Variants in AMOT observed in about 807,000 individuals in gnomAD.
AMOT encodes the protein angiomotin.
AMOT carries 11 observed loss-of-function variants against 67.0 expected under a neutral mutation model. The ratio of observed to expected loss-of-function variants is 0.16; its 90% CI spans 0.10 to 0.27. The LOEUF (loss-of-function observed/expected upper bound fraction) is 0.27, where lower values mean the gene tolerates loss of function less well. AMOT is among the 10% of genes least tolerant of loss of function. AMOT has a pLI of 1.00. For missense variants in AMOT, 753 were observed against 852.0 expected (o/e 0.88, Z 1.45); for synonymous variants, 326 against 321.4 (o/e 1.01, Z -0.15).
chrX:112,831,488 T>A lies in AMOT; in HGVS notation c.-212+806A>T, dbSNP rs369514259. 1.5e-3 allele frequency among the ~76,000 whole-genome samples: 154 copies of A among 103,185 alleles called. 3 individuals are homozygous for A. Among genetic ancestry groups the A allele is most frequent in the South Asian group, 4.5e-3 (11 of 2,430 alleles). 89.6% of individuals were successfully genotyped at this position (103,185 alleles called of 115,157 possible). ...ATAAATAAATAAATAAATAAATAAA[T>A]AAAAAGAGAGCCCAGTACTTGAGGA... On this transcript the variant is annotated intron_variant, in intron 2 of 13. Coordinates refer to ENST00000371959, the MANE Select transcript of AMOT (RefSeq NM_001113490.2).
intron 7 of AMOT, among the ~76,000 whole-genome samples, chrX:112,809,352 T>C (rs1934282921): frequency 9.0e-6 from 1 of 111,126 alleles, no homozygotes; most frequent in South Asian, 3.9e-4. Flanking sequence ...GAAACACTAT[T>C]ATGAGGAAGA....
rs940742668 is a variant in AMOT, at chrX:112,776,943, T to C, written c.*1624A>G. 9.0e-6 allele frequency: 1 copy of C among 111,663 alleles called. No homozygotes were observed. Among genetic ancestry groups the C allele is most frequent in the Admixed American group, 9.5e-5 (1 of 10,582 alleles). The allele number at this position is 111,663 out of a possible 1,213,427, so 9.2% of individuals were successfully genotyped here. ...CATGGTGATTGGCATAATGGTTAGC[T>C]GTGTTGTATGACTTTCAAAAAGTCA... On this transcript the variant is annotated 3_prime_UTR_variant, in exon 14 of 14. Coordinates refer to ENST00000371959, the MANE Select transcript of AMOT (RefSeq NM_001113490.2).
rs1417099380 is a variant in AMOT at position 112,822,458 on chromosome X, T to C, written c.669A>G (p.Pro223=). Reference sequence around the variant, plus strand: ...CCTTCAGGCTATGCTGGTTAGGAAGTGGCCCTTGGGCCTTGTAGAATTCAC... The same window carrying C: ...CCTTCAGGCTATGCTGGTTAGGAAGCGGCCCTTGGGCCTTGTAGAATTCAC... ...SSSEFYKAQG[P]LPNQHSLKGM... Residue 223 remains proline, a synonymous_variant, in exon 4 of 14, where the codon CCA becomes CCG. Transcript: ENST00000371959. The C allele has an allele frequency of 3.4e-6, 4 of 1,166,207 alleles. No homozygotes were observed. In the African/African-American group the frequency reaches 5.4e-5, roughly 16 times the overall value.
At chrX:112,813,368 C>T in intron 5 of AMOT, among the ~76,000 whole-genome samples, 1 of 111,132 alleles carries the variant, frequency 9.0e-6, no homozygotes, top group East Asian at 2.8e-4. Flanking sequence ...TCCAGACTTA[C>T]TCTGTCTACT....
At chrX:112,804,584 A>G (rs1211097405) in intron 8 of AMOT, among the ~76,000 whole-genome samples, 1 of 111,599 alleles carries the variant, frequency 9.0e-6, no homozygotes, top group Non-Finnish European at 1.9e-5. Context: ...ATCTATACAT[A>G]TACATATCTA....
intron 7 of AMOT, among the ~76,000 whole-genome samples, chrX:112,808,094 T>A (rs771903567): frequency 1.8e-5 from 2 of 112,094 alleles, no homozygotes; most frequent in Non-Finnish European, 3.8e-5. Context: ...GAAACTTCAA[T>A]AGGGCAGTCT....
At chrX:112,803,305 G>A (rs1429591088) in intron 8 of AMOT, among the ~76,000 whole-genome samples, 1 of 111,545 alleles carries the variant, frequency 9.0e-6, no homozygotes, top group African/African-American at 3.3e-5. Context: ...CCACCAGCAA[G>A]CTACTTCTTC....
rs1374834552 is a variant in AMOT at position 112,822,364 on chromosome X, T to C, written c.763A>G (p.Lys255Glu). ...TAGAAGTGCCCTGGCTCTTGGGGCTTGCACACTACAGATTGGGGTGGCATG... is the reference window on the plus strand; with the variant it reads ...TAGAAGTGCCCTGGCTCTTGGGGCTCGCACACTACAGATTGGGGTGGCATG... ...KGMPPQSVVC[K>E]PQEPGHFYSE... Residue 255 changes from lysine (K) to glutamate (E), a missense_variant, in exon 4 of 14, where the codon AAG becomes GAG. By Grantham distance (56) the Lys-to-Glu change is moderately conservative. Around this residue, in one of 5 missense-constraint regions of AMOT, gnomAD observed 297 missense variants for 284.3 expected, o/e 1.04. Coordinates refer to ENST00000371959, the MANE Select transcript of AMOT (RefSeq NM_001113490.2). The C allele has an allele frequency of 8.6e-7, 1 of 1,164,660 alleles. No individual in the cohort carries two copies. The highest frequency in any genetic ancestry group is 2.6e-5 in the Admixed American group (1 of 38,573).
chrX:112,834,186 A>G (rs1301134371), intron 1 of AMOT, among the ~76,000 whole-genome samples: 1 of 111,690 alleles, frequency 9.0e-6, no homozygotes, highest in Non-Finnish European at 1.9e-5. Context: ...TATTCCAAGT[A>G]TGCACCACCG....
intron 9 of AMOT, 38 bp from the exon 10 acceptor site, chrX:112,790,820 GAGA>G (rs773092711): frequency 6.5e-4 from 715 of 1,103,121 alleles, no homozygotes; most frequent in Non-Finnish European, 7.9e-4. Context: ...AAGTTAGTGA[GAGA>G]AGAACCATGG....
intron 7 of AMOT, 88 bp downstream of exon 7, chrX:112,809,806 T>A (rs1457827056): frequency 1.2e-6 from 1 of 807,679 alleles, no homozygotes; most frequent in East Asian, 3.2e-5. Flanking sequence ...CTGGCTGTTC[T>A]AAAAGGCTAA....
chrX:112,796,360 T>C (rs775964915), intron 8 of AMOT, among the ~76,000 whole-genome samples: 10 of 112,225 alleles, frequency 8.9e-5, no homozygotes, highest in Admixed American at 2.8e-4. Flanking sequence ...AAAGCCAAGA[T>C]AGTGGTTCGA....
chrX:112,788,114 C>T (rs968661940), intron 10 of AMOT, among the ~76,000 whole-genome samples: 1 of 109,612 alleles, frequency 9.1e-6, no homozygotes, highest in African/African-American at 3.3e-5. Flanking sequence ...ACAATGAAAC[C>T]CTGTCTCTAC....
At chrX:112,824,526 C>T (rs1397974765) in intron 3 of AMOT, among the ~76,000 whole-genome samples, 1 of 111,325 alleles carries the variant, frequency 9.0e-6, no homozygotes, top group African/African-American at 3.3e-5. Flanking sequence ...CCAGAATGTA[C>T]ATATAGTATA....
intron 8 of AMOT, 56 bp from the exon 9 acceptor site, chrX:112,792,037 G>A: frequency 8.6e-7 from 1 of 1,161,463 alleles, no homozygotes; most frequent in Non-Finnish European, 1.2e-6. Flanking sequence ...CAAGCAACAG[G>A]GTCAATTATG....
intron 2 of AMOT, among the ~76,000 whole-genome samples, chrX:112,831,484 T>TAAAA (rs1257018549): frequency 2.0e-5 from 2 of 100,871 alleles, no homozygotes; most frequent in Non-Finnish European, 3.8e-5. Flanking sequence ...AATAAATAAA[T>TAAAA]AAATAAAAAG....
intron 2 of AMOT, among the ~76,000 whole-genome samples, chrX:112,825,662 C>A (rs1934824534): frequency 9.1e-6 from 1 of 109,738 alleles, no homozygotes; most frequent in Non-Finnish European, 1.9e-5. Flanking sequence ...GGTTTTTGGT[C>A]AAAAAAAGAA....
Position 112,812,577 on chromosome X carries a change from T to C in AMOT, c.1393-1184A>G, listed in dbSNP as rs144767309. On this transcript the variant is annotated intron_variant, in intron 5 of 13. Transcript: ENST00000371959. Reference sequence around the variant, plus strand: ...GAAATTAGACTCCAGAGTTTTTCTGTAACTAGTATAGCTCCATTGCACATA... The same window carrying C: ...GAAATTAGACTCCAGAGTTTTTCTGCAACTAGTATAGCTCCATTGCACATA... 5.3e-3 allele frequency among the ~76,000 whole-genome samples: 590 copies of C among 112,153 alleles called. 6 individuals are homozygous for C. The highest frequency in any genetic ancestry group is 0.018 in the African/African-American group (561 of 30,874).
At chrX:112,819,509 A>C in intron 4 of AMOT, 1 of 485,567 alleles carries the variant, frequency 2.1e-6, no homozygotes, top group Non-Finnish European at 2.5e-6. Context: ...GCATGATTTC[A>C]ACAATTGAAA....
Sources: allele counts gnomAD v4.1 joint callset (sites outside exome capture counted in the v4.1 genomes callset), GRCh38; gene constraint gnomAD v4.1.1; regional missense constraint gnomAD v4.1.1; transcripts MANE v1.5; gene names NCBI Gene and HGNC (gene_info 2026-07-23, HGNC 2026-07-21).